Variants in ADAM12 observed in about 807,000 individuals in gnomAD.
ADAM12 encodes ADAM metallopeptidase domain 12.
In ADAM12, 70 loss-of-function variants were observed where a neutral mutation model predicts 106.4. That is an observed-to-expected ratio of 0.66 (90% CI 0.54 to 0.80). The LOEUF (loss-of-function observed/expected upper bound fraction) is 0.80, where lower values mean the gene tolerates loss of function less well. Among genes scored for constraint, ADAM12 ranks in the 30% least tolerant of loss-of-function variants. The probability of loss-of-function intolerance (pLI) is 0.00; values close to 1 mark genes in which losing one functional copy is unlikely to be tolerated. For synonymous variants in ADAM12, 420 were observed against 433.5 expected, an observed-to-expected ratio of 0.97 and a Z score of 0.39; for missense variants, 1,010 against 1,171.9, an observed-to-expected ratio of 0.86 and a Z score of 2.02.
chr10:126,184,918 C>T (rs1425204596), intron 3 of ADAM12, among the ~76,000 whole-genome samples: 1 of 152,210 alleles, frequency 6.6e-6, no homozygotes, highest in Non-Finnish European at 1.5e-5. Flanking sequence ...TGACCATCAC[C>T]ATCCTGTGTG....
chr10:126,292,658 T>A (rs371526957), intron 2 of ADAM12, among the ~76,000 whole-genome samples: 17 of 152,190 alleles, frequency 1.1e-4, no homozygotes, highest in African/African-American at 3.6e-4. Context: ...ATAAATACAT[T>A]AAGCTTTGTT....
intron 4 of ADAM12, among the ~76,000 whole-genome samples, chr10:126,138,606 C>T (rs182246538): frequency 1.3e-5 from 2 of 152,128 alleles, no homozygotes; most frequent in Non-Finnish European, 2.9e-5. Context: ...GAACTACTGA[C>T]CTCAAGCAAT....
intron 1 of ADAM12, among the ~76,000 whole-genome samples, chr10:126,345,314 G>A (rs1399659838): frequency 6.6e-6 from 1 of 152,052 alleles, no homozygotes; most frequent in Non-Finnish European, 1.5e-5. Context: ...CTGTTTATAT[G>A]CTGGATTACA....
chr10:126,137,495 T>C (rs1956427120), intron 4 of ADAM12, among the ~76,000 whole-genome samples: 2 of 152,256 alleles, frequency 1.3e-5, no homozygotes, highest in African/African-American at 4.8e-5. Context: ...TTCTAAAACA[T>C]TTCTGTCACC....
chr10:126,384,634 T>C (rs1011029230), intron 1 of ADAM12, among the ~76,000 whole-genome samples: 2 of 152,012 alleles, frequency 1.3e-5, no homozygotes, highest in African/African-American at 4.8e-5. Flanking sequence ...TGTTGGATCA[T>C]ATTGAAAGGA....
chr10:126,075,140 A>G (rs1403751717), intron 11 of ADAM12, among the ~76,000 whole-genome samples: 1 of 152,206 alleles, frequency 6.6e-6, no homozygotes, highest in Admixed American at 6.5e-5. Flanking sequence ...GAAGAAAAAA[A>G]TGCCTCGTTT....
intron 20 of ADAM12, among the ~76,000 whole-genome samples, chr10:126,037,663 A>G (rs1954084290): frequency 6.6e-6 from 1 of 152,178 alleles, no homozygotes; most frequent in Non-Finnish European, 1.5e-5. Flanking sequence ...GTAATTCACC[A>G]GGGTAGCAAG....
chr10:126,271,989 C>A (rs916769485), intron 3 of ADAM12, among the ~76,000 whole-genome samples: 1 of 152,202 alleles, frequency 6.6e-6, no homozygotes, highest in Non-Finnish European at 1.5e-5. Flanking sequence ...TCTCTCTCTA[C>A]CTCCTGCCCT....
At chr10:126,041,296 AT>A in intron 18 of ADAM12, 1 of 983,414 alleles carries the variant, frequency 1.0e-6, no homozygotes, top group Non-Finnish European at 1.2e-6. Flanking sequence ...ATGCTTGCTC[AT>A]GGCCTGCCTT....
chr10:126,093,651 G>C (rs137927854), intron 11 of ADAM12, among the ~76,000 whole-genome samples: 179 of 152,344 alleles, frequency 1.2e-3, no homozygotes, highest in African/African-American at 4.1e-3. Flanking sequence ...TCCTGGGACT[G>C]CCTGGCAGCT....
intron 4 of ADAM12, among the ~76,000 whole-genome samples, chr10:126,139,690 G>T (rs1956474648): frequency 6.6e-6 from 1 of 152,108 alleles, no homozygotes; most frequent in Admixed American, 6.5e-5. Context: ...GTTCTGCTGG[G>T]CTGGAAGGTT....
intron 1 of ADAM12, among the ~76,000 whole-genome samples, chr10:126,358,134 G>A (rs1392856810): frequency 6.0e-5 from 9 of 149,298 alleles, no homozygotes; most frequent in South Asian, 4.2e-4. Context: ...AGCCGAGATC[G>A]CGCCACTGCA....
chr10:126,100,797 T>C (rs1955649283), intron 9 of ADAM12, among the ~76,000 whole-genome samples: 1 of 151,886 alleles, frequency 6.6e-6, no homozygotes, highest in Non-Finnish European at 1.5e-5. Flanking sequence ...TCAGAAAAAT[T>C]GGTATAGAAG....
chr10:126,243,467 G>A (rs539301005), intron 3 of ADAM12, among the ~76,000 whole-genome samples: 2 of 145,136 alleles, frequency 1.4e-5, no homozygotes, highest in Non-Finnish European at 1.5e-5. Flanking sequence ...CCAGTGGGGA[G>A]CAACTCTGTG....
intron 1 of ADAM12, among the ~76,000 whole-genome samples, chr10:126,382,987 G>A (rs1856545287): frequency 1.3e-5 from 2 of 152,022 alleles, no homozygotes; most frequent in Middle Eastern, 3.2e-3. Flanking sequence ...TTCTGTCACC[G>A]AGGCTGGAGT....
intron 6 of ADAM12, among the ~76,000 whole-genome samples, chr10:126,114,947 G>A (rs1325513174): frequency 1.3e-5 from 2 of 152,154 alleles, no homozygotes; most frequent in Non-Finnish European, 2.9e-5. Flanking sequence ...TACATATAAT[G>A]TGCTATATAC....
intron 2 of ADAM12, among the ~76,000 whole-genome samples, chr10:126,286,992 C>T (rs1419212870): frequency 6.6e-6 from 1 of 152,218 alleles, no homozygotes; most frequent in African/African-American, 2.4e-5. Flanking sequence ...TTTCAGCTTG[C>T]TTCTCCCTCC....
intron 3 of ADAM12, among the ~76,000 whole-genome samples, chr10:126,238,340 C>T (rs113213164): frequency 2.2e-4 from 34 of 152,154 alleles, no homozygotes; most frequent in African/African-American, 7.2e-4. Flanking sequence ...ATTAGCCGGG[C>T]GTGGTGATGC....
chr10:126,104,757 T>C (rs1051618829), intron 8 of ADAM12, among the ~76,000 whole-genome samples: 2 of 152,134 alleles, frequency 1.3e-5, no homozygotes, highest in Non-Finnish European at 2.9e-5. Flanking sequence ...TTCCAGAATG[T>C]CACCTTCATC....
Sources: allele counts gnomAD v4.1 joint callset (sites outside exome capture counted in the v4.1 genomes callset), GRCh38; gene constraint gnomAD v4.1.1; transcripts MANE v1.5; gene names NCBI Gene and HGNC (gene_info 2026-07-23, HGNC 2026-07-21).